The following CCDC169 variants were observed in gnomAD, a reference collection of about 807,000 sequenced individuals.
CCDC169 encodes the protein coiled-coil domain-containing protein 169.
Under a neutral mutation model 36.0 loss-of-function variants are expected in CCDC169, and 30 were observed. The ratio of observed to expected loss-of-function variants is 0.83; its 90% CI spans 0.62 to 1.13. CCDC169 has a LOEUF of 1.13. Ranked by LOEUF, CCDC169 falls within the 50% of genes most tolerant of loss-of-function variation. CCDC169 has a pLI of 0.00. For missense variants in CCDC169, 245 were observed against 245.9 expected (o/e 1.00, Z 0.03); for synonymous variants, 85 against 81.5 (o/e 1.04, Z -0.23).
chr13:36,248,356 T>C (rs1228473610), intron 7 of CCDC169, among the ~76,000 whole-genome samples: 1 of 151,908 alleles, frequency 6.6e-6, no homozygotes, highest in Non-Finnish European at 1.5e-5. Flanking sequence ...CATATTATTT[T>C]AGTTTAAAAA....
At chr13:36,262,497 T>C (rs959512196) in intron 4 of CCDC169, among the ~76,000 whole-genome samples, 2 of 152,212 alleles carry the variant, frequency 1.3e-5, no homozygotes, top group Non-Finnish European at 2.9e-5. Flanking sequence ...CCTAAATAAA[T>C]AGAAGTACTA....
Position 36,271,878 on chromosome 13 carries a change from T to C in CCDC169, c.315+11591A>G, listed in dbSNP as rs565252209. Among the ~76,000 whole-genome samples, 3 of 151,544 alleles carry C rather than the reference T, an allele frequency of 2.0e-5. No homozygotes were observed. In the East Asian group the frequency reaches 5.9e-4, roughly 30 times the overall value. On this transcript the variant is annotated intron_variant, in intron 4 of 7. Transcript: ENST00000239859. ...AGCGGGCGGATCACGAGTTCAGGAGTTCGAGACCAACCTGACCAACATGGT... is the reference window on the plus strand; with the variant it reads ...AGCGGGCGGATCACGAGTTCAGGAGCTCGAGACCAACCTGACCAACATGGT...
At chr13:36,243,023 A>C (rs1872037858) in intron 7 of CCDC169, among the ~76,000 whole-genome samples, 2 of 152,214 alleles carry the variant, frequency 1.3e-5, no homozygotes, top group African/African-American at 4.8e-5. Flanking sequence ...TGATAAACAG[A>C]AGTTCAGATT....
chr13:36,230,631 G>T (rs1870313399), downstream of CCDC169: 1 of 332,398 alleles, frequency 3.0e-6, no homozygotes, highest in Non-Finnish European at 4.3e-6. Flanking sequence ...ACAGGTGTGG[G>T]AAATAAACAT....
In CCDC169 at chr13:36,297,783, GC is replaced by G; in HGVS notation, c.-65del. 1 of 1,453,972 alleles carries G rather than the reference GC, an allele frequency of 6.9e-7. No individual in the cohort carries two copies. The highest frequency in any genetic ancestry group is 9.4e-7 in the Non-Finnish European group (1 of 1,064,388). 90.1% of individuals were successfully genotyped at this position (1,453,972 alleles called of 1,614,324 possible). On this transcript the variant is annotated 5_prime_UTR_variant, in exon 1 of 8. Transcript: ENST00000239859. ...CACCTTAGAGCACAAGACATTAAGG[GC>G]CACCCAGAAGCCAGTACGGCACGAG...
At chr13:36,235,156 G>T (rs563372839) in intron 7 of CCDC169, among the ~76,000 whole-genome samples, 75 of 152,048 alleles carry the variant, frequency 4.9e-4, no homozygotes, top group Admixed American at 4.3e-3. Flanking sequence ...AAAGTAGATT[G>T]TTATAAATTA....
chr13:36,232,151 G>A (rs1870507773), intron 7 of CCDC169, among the ~76,000 whole-genome samples: 1 of 152,116 alleles, frequency 6.6e-6, no homozygotes, highest in African/African-American at 2.4e-5. Flanking sequence ...CTGTTCCCCT[G>A]ACTTTCATCC....
chr13:36,275,819 C>T (rs1162932911), intron 4 of CCDC169, among the ~76,000 whole-genome samples: 1 of 152,064 alleles, frequency 6.6e-6, no homozygotes, highest in Non-Finnish European at 1.5e-5. Context: ...ATTAGTATCA[C>T]AGTCAGGAAA....
At chr13:36,265,978 AG>A (rs1193014599) in intron 4 of CCDC169, among the ~76,000 whole-genome samples, 3 of 152,178 alleles carry the variant, frequency 2.0e-5, no homozygotes, top group Non-Finnish European at 4.4e-5. Flanking sequence ...CTCAGTGTAC[AG>A]TCACCTGTGT....
chr13:36,238,593 CTAAT>C (rs1871358621), intron 7 of CCDC169, among the ~76,000 whole-genome samples: 6 of 152,014 alleles, frequency 3.9e-5, no homozygotes, highest in Admixed American at 3.9e-4. Flanking sequence ...ATTATTATGT[CTAAT>C]TAATATAGCT....
chr13:36,240,659 C>T (rs1350497194), intron 7 of CCDC169: 2 of 1,276,294 alleles, frequency 1.6e-6, no homozygotes, highest in Non-Finnish European at 2.0e-6. Flanking sequence ...CTTTTAGTCA[C>T]TTTAAAACTG....
chr13:36,297,767 G>T lies in CCDC169; in HGVS notation c.-48C>A. ...GCGTCTTTCCCCTCAGCACCTTAGA[G>T]CACAAGACATTAAGGGCCACCCAGA... is the stretch of plus-strand genomic sequence containing the variant. On this transcript the variant is annotated 5_prime_UTR_variant, in exon 1 of 8. Coordinates refer to ENST00000239859, the MANE Select transcript of CCDC169 (RefSeq NM_001144981.3). The T allele has an allele frequency of 6.5e-7, 1 of 1,526,846 alleles. No homozygotes were observed. 94.6% of individuals were successfully genotyped at this position (1,526,846 alleles called of 1,614,324 possible).
intron 4 of CCDC169, among the ~76,000 whole-genome samples, chr13:36,263,392 T>G (rs1874846008): frequency 6.6e-6 from 1 of 152,074 alleles, no homozygotes; most frequent in African/African-American, 2.4e-5. Context: ...AAAGAATCAT[T>G]CAAAGAAAAA....
intron 7 of CCDC169, among the ~76,000 whole-genome samples, chr13:36,243,683 G>A (rs910948743): frequency 1.3e-5 from 2 of 152,102 alleles, no homozygotes; most frequent in African/African-American, 2.4e-5. Flanking sequence ...GCATGTGTCT[G>A]TAATCCCAGC....
intron 4 of CCDC169, among the ~76,000 whole-genome samples, chr13:36,271,012 C>T (rs890734482): frequency 2.0e-5 from 3 of 152,134 alleles, no homozygotes; most frequent in African/African-American, 7.2e-5. Context: ...GAATTATTTG[C>T]AAACCACACA....
downstream of CCDC169, chr13:36,224,395 C>A (rs1869755732): frequency 6.6e-6 from 1 of 152,002 alleles, no homozygotes; most frequent in African/African-American, 2.4e-5. Context: ...ACAGACTCTG[C>A]CAAAAGGGTC....
chr13:36,231,391 C>T (rs1018234417), intron 7 of CCDC169, 99 bp from the exon 8 acceptor site: 5 of 1,166,062 alleles, frequency 4.3e-6, no homozygotes, highest in Admixed American at 4.6e-5. Context: ...GCACCTTGTT[C>T]CCCCCAACAG....
intron 7 of CCDC169, among the ~76,000 whole-genome samples, chr13:36,231,835 A>G (rs934414315): frequency 6.6e-5 from 10 of 152,274 alleles, no homozygotes; most frequent in African/African-American, 2.4e-4. Flanking sequence ...TTCTTGTATA[A>G]GAGCCATGTT....
At chr13:36,253,051 A>T (rs1163959679) in intron 6 of CCDC169, among the ~76,000 whole-genome samples, 1 of 152,214 alleles carries the variant, frequency 6.6e-6, no homozygotes, top group Non-Finnish European at 1.5e-5. Context: ...ATCATAAATA[A>T]AACTGAAAGG....
Sources: gnomAD v4.1 joint callset for allele counts (sites outside exome capture counted in the v4.1 genomes callset) on GRCh38, gnomAD v4.1.1 for gene constraint, MANE v1.5 for transcripts, NCBI Gene and HGNC (gene_info 2026-07-23, HGNC 2026-07-21) for gene names.